NBEA: variants seen among roughly 807,000 people sequenced by gnomAD.
NBEA encodes the protein lysosomal-trafficking regulator 2.
NBEA carries 44 observed loss-of-function variants against 343.4 expected under a neutral mutation model. That is an observed-to-expected ratio of 0.13 (90% CI 0.10 to 0.16). The LOEUF is 0.16. Among genes scored for constraint, NBEA ranks in the 10% least tolerant of loss-of-function variants. The probability of loss-of-function intolerance (pLI) is 1.00; values close to 1 mark genes in which losing one functional copy is unlikely to be tolerated. For synonymous variants in NBEA, 1,175 were observed against 1,238.7 expected (o/e 0.95, Z 1.08); for missense variants, 2,555 against 3,631.3 (o/e 0.70, Z 7.62).
chr13:35,626,789 C>A (rs1006007603), intron 48 of NBEA, among the ~76,000 whole-genome samples: 7 of 152,078 alleles, frequency 4.6e-5, no homozygotes, highest in African/African-American at 1.4e-4. Context: ...GACTCATTTC[C>A]TGTGTTCTAC....
chr13:35,392,699 C>T (rs975648329), intron 38 of NBEA, among the ~76,000 whole-genome samples: 8 of 152,226 alleles, frequency 5.3e-5, no homozygotes, highest in Admixed American at 2.6e-4. Flanking sequence ...ACCGTGCTAA[C>T]GGTACAAATG....
At position 35,624,079 on chromosome 13, in the gene NBEA, T is replaced by A. The variant is rs111554314; in HGVS notation, c.7450-4002T>A. Among the ~76,000 whole-genome samples, 828 of 139,638 alleles carry A rather than the reference T, an allele frequency of 5.9e-3. 7 individuals carry two copies. Among genetic ancestry groups the A allele is most frequent in the African/African-American group, 0.023 (743 of 32,344 alleles). 91.6% of individuals were successfully genotyped at this position (139,638 alleles called of 152,430 possible). ...GGGTGTGTGTGTGTGTGTGTGTGTG[T>A]GAGAATTGCATCAGGACTAAGTAGA... On this transcript the variant is annotated intron_variant, in intron 48 of 58. Transcript: ENST00000379939.
chr13:35,410,403 G>C (rs926237894), intron 38 of NBEA, among the ~76,000 whole-genome samples: 3 of 152,152 alleles, frequency 2.0e-5, no homozygotes, highest in Middle Eastern at 3.4e-3. Context: ...ATAATAACCA[G>C]ATAATAATAC....
Position 35,058,702 on chromosome 13 carries a change from T to A in NBEA, c.1093-15T>A, listed in dbSNP as rs1408420281. On this transcript the variant is annotated splice_polypyrimidine_tract_variant and intron_variant, in intron 7 of 58. Coordinates refer to ENST00000379939, the MANE Select transcript of NBEA (RefSeq NM_001385012.1). ...TTAAAAATAATGCATTTTTCTTTAT[T>A]ACTTTTAAAAATAGAGCTATGACAA... 6 of 1,556,232 alleles carry A rather than the reference T, an allele frequency of 3.9e-6. No individual in the cohort carries two copies. In the South Asian group the frequency reaches 7.1e-5, roughly 18 times the overall value.
chr13:35,499,412 A>T (rs1292020404), intron 41 of NBEA, among the ~76,000 whole-genome samples: 2 of 152,064 alleles, frequency 1.3e-5, no homozygotes, highest in Non-Finnish European at 2.9e-5. Flanking sequence ...TTTGGCTTGG[A>T]GTCCGTGTTG....
At chr13:35,394,411 C>A (rs989577618) in intron 38 of NBEA, among the ~76,000 whole-genome samples, 10 of 152,010 alleles carry the variant, frequency 6.6e-5, no homozygotes, top group Non-Finnish European at 1.5e-4. Context: ...TATATGTGAT[C>A]ATTGATGAAA....
At chr13:35,171,193 T>TTGTAGTA in intron 25 of NBEA, 79 bp from the exon 26 acceptor site, 1 of 1,026,120 alleles carries the variant, frequency 9.7e-7, no homozygotes, top group Non-Finnish European at 1.5e-6. Flanking sequence ...TTATGTTCAC[T>TTGTAGTA]TGTAGTATGT....
chr13:35,322,325 C>T (rs1429815183), intron 36 of NBEA, among the ~76,000 whole-genome samples: 1 of 152,172 alleles, frequency 6.6e-6, no homozygotes, highest in Non-Finnish European at 1.5e-5. Flanking sequence ...GGCACAGTCC[C>T]TCACGGCTTC....
chr13:35,645,928 TA>T lies in NBEA; in HGVS notation c.7679del (p.Lys2560ArgfsTer49), dbSNP rs1402753236. On this transcript the variant is annotated frameshift_variant and splice_region_variant, in exon 50 of 59. Transcript: ENST00000379939. LOFTEE classifies it high-confidence loss of function. ...HTFLLTKDFI[K>X]AMEAQIQNFG... ...CTTTCCTTCTTACAAAGGACTTTAT[TA>T]AGGTATATGTTCTGTATTTAGTGTG... 5 of 1,553,272 alleles carry T rather than the reference TA, an allele frequency of 3.2e-6. No homozygotes were observed. The highest frequency in any genetic ancestry group is 4.4e-6 in the Non-Finnish European group (5 of 1,139,852).
chr13:34,994,901 T>C (rs1256062792), intron 1 of NBEA, among the ~76,000 whole-genome samples: 1 of 152,196 alleles, frequency 6.6e-6, no homozygotes, highest in East Asian at 1.9e-4. Flanking sequence ...AATGATAATG[T>C]TCGTATTTGA....
At chr13:35,190,110 T>C (rs1312402413) in intron 30 of NBEA, among the ~76,000 whole-genome samples, 1 of 152,122 alleles carries the variant, frequency 6.6e-6, no homozygotes, top group Admixed American at 6.6e-5. Context: ...TTGAACTGTA[T>C]GGAATCTTCC....
At chr13:35,384,384 G>C (rs1286115691) in intron 38 of NBEA, among the ~76,000 whole-genome samples, 5 of 152,080 alleles carry the variant, frequency 3.3e-5, no homozygotes, top group Non-Finnish European at 5.9e-5. Flanking sequence ...ATCTCCAAAA[G>C]TACGTTATAT....
At chr13:34,953,282 A>G (rs1376280312) in intron 1 of NBEA, among the ~76,000 whole-genome samples, 1 of 152,270 alleles carries the variant, frequency 6.6e-6, no homozygotes, top group East Asian at 1.9e-4. Flanking sequence ...TATTTCACTT[A>G]ATTTATACTA....
intron 38 of NBEA, among the ~76,000 whole-genome samples, chr13:35,402,550 A>C (rs1306115510): frequency 6.6e-6 from 1 of 152,148 alleles, no homozygotes; most frequent in Admixed American, 6.6e-5. Flanking sequence ...TAGGAAAAGA[A>C]CCGAACCACA....
rs371745545 is a variant in NBEA, at chr13:35,654,878, C to A, written c.8059C>A (p.Arg2687=). Residue 2687 remains arginine, a synonymous_variant, in exon 54 of 59, where the codon CGG becomes AGG. Coordinates refer to ENST00000379939, the MANE Select transcript of NBEA (RefSeq NM_001385012.1). ...LIANNSGVNK[R]QITDLVDQSI... is the part of the protein sequence containing the mutation. Reference sequence around the variant, plus strand: ...AGCCAATAATTCAGGTGTAAACAAACGGCAGATCACAGACCTCGTTGACCA... The same window carrying A: ...AGCCAATAATTCAGGTGTAAACAAAAGGCAGATCACAGACCTCGTTGACCA... 1.9e-6 allele frequency: 3 copies of A among 1,573,208 alleles called. No individual in the cohort carries two copies. Among genetic ancestry groups the A allele is most frequent in the Non-Finnish European group, 2.6e-6 (3 of 1,166,192 alleles).
intron 4 of NBEA, 109 bp downstream of exon 4, chr13:35,045,510 A>G (rs1307546297): frequency 1.2e-6 from 1 of 848,316 alleles, no homozygotes; most frequent in Non-Finnish European, 1.8e-6. Flanking sequence ...GCACAACTTG[A>G]TGAGTTTGGA....
At chr13:35,226,073 T>C (rs2074636282) in intron 33 of NBEA, among the ~76,000 whole-genome samples, 1 of 152,186 alleles carries the variant, frequency 6.6e-6, no homozygotes, top group Non-Finnish European at 1.5e-5. Context: ...CTTTCGGTGC[T>C]TTACTGGGGA....
At chr13:35,378,820 G>A (rs1440862281) in intron 38 of NBEA, among the ~76,000 whole-genome samples, 1 of 151,350 alleles carries the variant, frequency 6.6e-6, no homozygotes, top group East Asian at 1.9e-4. Context: ...CCCTGCTAAG[G>A]TAACTGCTAT....
chr13:35,291,876 C>T (rs1594098674), intron 35 of NBEA, among the ~76,000 whole-genome samples: 1 of 151,900 alleles, frequency 6.6e-6, no homozygotes, highest in African/African-American at 2.4e-5. Flanking sequence ...GCTCTCTATG[C>T]AGTGCACTTT....
Sources: allele counts gnomAD v4.1 joint callset (sites outside exome capture counted in the v4.1 genomes callset), GRCh38; gene constraint gnomAD v4.1.1; transcripts MANE v1.5; gene names NCBI Gene and HGNC (gene_info 2026-07-23, HGNC 2026-07-21).